The following CERKL variants were observed in gnomAD, a reference collection of about 807,000 sequenced individuals.
The protein encoded by CERKL is ceramide kinase-like protein.
A neutral mutation model predicts 63.4 loss-of-function variants in CERKL; 61 were observed. That is an observed-to-expected ratio of 0.96 (90% CI 0.78 to 1.19). The LOEUF is 1.19. CERKL is among the 50% of genes most tolerant of loss of function. The probability of loss-of-function intolerance (pLI) is 0.00; values close to 1 mark genes in which losing one functional copy is unlikely to be tolerated. For missense variants in CERKL, 675 were observed against 655.5 expected (o/e 1.03, Z -0.33); for synonymous variants, 250 against 230.5 (o/e 1.08, Z -0.77).
chr2:181,544,586 T>G (rs1687643886), intron 11 of CERKL, 114 bp downstream of exon 11: 2 of 654,216 alleles, frequency 3.1e-6, no homozygotes, highest in Admixed American at 3.0e-5. Context: ...GATTAATATA[T>G]TCAGAAGAAA....
rs149346187 is a variant in CERKL at position 181,656,905 on chromosome 2, C to A, written c.102G>T (p.Thr34=). Reference sequence around the variant, plus strand: ...CCGCCGCCTCCGTCTGCTGCGGGGACGTTAACAGCGCCGGAGGCACAGCGG... The same window carrying A: ...CCGCCGCCTCCGTCTGCTGCGGGGAAGTTAACAGCGCCGGAGGCACAGCGG... ...EAAAVPPALL[T]SPQQTEAAAE... is the part of the protein sequence containing the mutation. Residue 34 remains threonine, a synonymous_variant, in exon 1 of 13, where the codon ACG becomes ACT. Coordinates refer to ENST00000410087, the MANE Select transcript of CERKL (RefSeq NM_201548.5). 429 of 1,603,676 alleles carry A rather than the reference C, an allele frequency of 2.7e-4. 1 individual carries two copies. The highest frequency in any genetic ancestry group is 8.7e-4 in the Admixed American group (52 of 59,768).
At chr2:181,543,001 C>T (rs1421026114) in intron 11 of CERKL, among the ~76,000 whole-genome samples, 2 of 152,310 alleles carry the variant, frequency 1.3e-5, no homozygotes, top group Admixed American at 1.3e-4. Flanking sequence ...GTGCAACATA[C>T]ACCTCCCCAA....
At chr2:181,538,437 T>TTAAC (rs1218078333) in intron 12 of CERKL, among the ~76,000 whole-genome samples, 193 bp from the exon 13 acceptor site, 1 of 152,116 alleles carries the variant, frequency 6.6e-6, no homozygotes, top group African/African-American at 2.4e-5. Context: ...TAAAACCTCC[T>TTAAC]TAACTGACTT....
intron 1 of CERKL, among the ~76,000 whole-genome samples, chr2:181,625,832 G>T (rs1339919425): frequency 1.3e-5 from 2 of 152,150 alleles, no homozygotes; most frequent in Non-Finnish European, 1.5e-5. Flanking sequence ...AGAAACAGGG[G>T]CAAACAAAAC....
rs1024848122 is a variant in CERKL at position 181,603,987 on chromosome 2, G to C, written c.331C>G (p.Gln111Glu). Residue 111 changes from glutamine to glutamate, a missense_variant, in exon 2 of 13, where the codon CAG becomes GAG. Transcript: ENST00000410087. ...CCTAATAAAGTACCACTTCTCTGCT[G>C]TTTAACAGAACAACGCCGTTTCAGT... is the stretch of plus-strand genomic sequence containing the variant. ...VKLKRRCSVK[Q>E]QRSGTLLGIT... 13 of 1,613,068 alleles carry C rather than the reference G, an allele frequency of 8.1e-6. No individual in the cohort carries two copies. The highest frequency in any genetic ancestry group is 1.1e-5 in the Non-Finnish European group (13 of 1,179,508).
At chr2:181,602,945 A>G (rs979260626) in intron 2 of CERKL, among the ~76,000 whole-genome samples, 8 of 152,250 alleles carry the variant, frequency 5.3e-5, no homozygotes, top group African/African-American at 1.7e-4. Flanking sequence ...ACTTCTAGAA[A>G]TCCAAATTGC....
intron 1 of CERKL, among the ~76,000 whole-genome samples, chr2:181,651,913 T>TTA (rs1553524757): frequency 0.15 from 22,283 of 148,558 alleles, 3,824 homozygotes; most frequent in African/African-American, 0.42. Context: ...AGTACTTTTT[T>TTA]AAAAAAAAAG....
Position 181,647,463 on chromosome 2 carries a change from A to T in CERKL, c.238+9306T>A, listed in dbSNP as rs148771552. Among the ~76,000 whole-genome samples the T allele has an allele frequency of 5.9e-5, 9 of 152,266 alleles. No homozygotes were observed. In the East Asian group the frequency reaches 1.7e-3, roughly 29 times the overall value. ...CTGTCCCTAGCAAAACTATACCACC[A>T]TCAAAAACTCCTGCAGCCTAGGCCA... On this transcript the variant is annotated intron_variant, in intron 1 of 12. Coordinates refer to ENST00000410087, the MANE Select transcript of CERKL (RefSeq NM_201548.5).
At chr2:181,613,129 T>A (rs1434637579) in intron 1 of CERKL, among the ~76,000 whole-genome samples, 2 of 151,906 alleles carry the variant, frequency 1.3e-5, no homozygotes, top group Non-Finnish European at 2.9e-5. Flanking sequence ...TCTGTCTAAC[T>A]GAAATTTTAT....
intron 1 of CERKL, 61 bp downstream of exon 1, chr2:181,656,708 T>C: frequency 7.1e-7 from 1 of 1,404,156 alleles, no homozygotes; most frequent in Non-Finnish European, 9.6e-7. Flanking sequence ...GTGTAGGCCT[T>C]GGGCCGGGGA....
In CERKL at chr2:181,573,886, TAAG is replaced by T. The variant is rs1689015529; in HGVS notation, c.482-5_482-3del. The T allele has an allele frequency of 1.2e-6, 2 of 1,611,996 alleles. No homozygotes were observed. Among genetic ancestry groups the T allele is most frequent in the African/African-American group, 2.7e-5 (2 of 74,836 alleles). On this transcript the variant is annotated splice_region_variant and splice_polypyrimidine_tract_variant and intron_variant, in intron 2 of 12. Coordinates refer to ENST00000410087, the MANE Select transcript of CERKL (RefSeq NM_201548.5). ...ATGACTTCGGTCTGTTTGGAAAGCC[TAAG>T]AAGAAATTTTAAAGACAAAGTTGTA...
At chr2:181,552,037 T>G (rs775851225) in intron 5 of CERKL, among the ~76,000 whole-genome samples, 10 of 152,168 alleles carry the variant, frequency 6.6e-5, no homozygotes, top group Non-Finnish European at 1.2e-4. Context: ...GAGGACATTA[T>G]GCTAGGTGAA....
chr2:181,603,948 T>C lies in CERKL; in HGVS notation c.370A>G (p.Ile124Val), dbSNP rs377039657. The change falls in exon 2 of 13, where the codon ATC becomes GTC. Residue 124 changes from isoleucine to valine, a missense_variant. Ile to Val is a conservative substitution (Grantham distance 29). Coordinates refer to ENST00000410087, the MANE Select transcript of CERKL (RefSeq NM_201548.5). Reference protein sequence around the residue: ...SGTLLGITLFICLKKEQNKLK... With the variant: ...SGTLLGITLFVCLKKEQNKLK... The stretch of plus-strand genomic sequence containing the variant: ...TTATTTTGTTCCTTTTTCAAGCAGA[T>C]GAAGAGTGTGATACCTAATAAAGTA... 2 of 1,613,240 alleles carry C rather than the reference T, an allele frequency of 1.2e-6. No individual in the cohort carries two copies. The highest frequency in any genetic ancestry group is 2.7e-5 in the African/African-American group (2 of 74,890).
chr2:181,582,957 C>T (rs1041132738), intron 2 of CERKL, among the ~76,000 whole-genome samples: 23 of 152,240 alleles, frequency 1.5e-4, no homozygotes, highest in African/African-American at 4.8e-4. Flanking sequence ...TCTCACTAAA[C>T]GACCACTTTA....
chr2:181,584,029 A>G (rs918605409), intron 2 of CERKL, among the ~76,000 whole-genome samples: 4 of 152,214 alleles, frequency 2.6e-5, no homozygotes, highest in Non-Finnish European at 5.9e-5. Context: ...AACTATCACA[A>G]TATCAACAAT....
chr2:181,549,504 G>A, intron 6 of CERKL, 130 bp downstream of exon 6: 1 of 733,322 alleles, frequency 1.4e-6, no homozygotes, highest in East Asian at 2.7e-5. Context: ...TGGTTTTTTA[G>A]TCAAACATTT....
intron 1 of CERKL, among the ~76,000 whole-genome samples, chr2:181,633,870 A>G (rs753537721): frequency 1.3e-5 from 2 of 152,180 alleles, no homozygotes; most frequent in Non-Finnish European, 2.9e-5. Flanking sequence ...CAAAGAAACT[A>G]AGTAAGATTA....
intron 1 of CERKL, among the ~76,000 whole-genome samples, chr2:181,645,282 T>C (rs894282771): frequency 6.6e-6 from 1 of 152,168 alleles, no homozygotes; most frequent in Non-Finnish European, 1.5e-5. Flanking sequence ...CAAGTTATAA[T>C]AGAATAGGCA....
In CERKL at chr2:181,558,969, T is replaced by G. The variant is rs1688323184; in HGVS notation, c.678-261A>C. On this transcript the variant is annotated intron_variant, in intron 4 of 12. Coordinates refer to ENST00000410087, the MANE Select transcript of CERKL (RefSeq NM_201548.5). The surrounding 1 kb of genome is among the most constrained non-coding windows in gnomAD (Gnocchi z 4.2). ...GTGTGTTAAGAGATATGAAAACTTT[T>G]GAACATGTTAATTCACATCTGACCA... Among the ~76,000 whole-genome samples the G allele has an allele frequency of 1.3e-5, 2 of 152,220 alleles. No homozygotes were observed. The highest frequency in any genetic ancestry group is 2.9e-5 in the Non-Finnish European group (2 of 68,038).
Sources: gnomAD v4.1 joint callset for allele counts (sites outside exome capture counted in the v4.1 genomes callset) on GRCh38, gnomAD v4.1.1 for gene constraint, Gnocchi (gnomAD v3.1) non-coding constraint, MANE v1.5 for transcripts, NCBI Gene and HGNC (gene_info 2026-07-23, HGNC 2026-07-21) for gene names.